The following CHST8 variants were observed in gnomAD, a reference collection of about 807,000 sequenced individuals.
CHST8 encodes carbohydrate sulfotransferase 8, also known as GALNAC-4-ST1.
In CHST8, 10 loss-of-function variants were observed where a neutral mutation model predicts 15.0. That is an observed-to-expected ratio of 0.67 (90% CI 0.41 to 1.13). The LOEUF (loss-of-function observed/expected upper bound fraction) is 1.13, where lower values mean the gene tolerates loss of function less well. Ranked by LOEUF, CHST8 falls within the 50% of genes most tolerant of loss-of-function variation. The pLI is 0.00. For missense variants in CHST8, 634 were observed against 608.2 expected (o/e 1.04, Z -0.45); for synonymous variants, 259 against 256.6 (o/e 1.01, Z -0.09).
chr19:33,628,097 G>T (rs773035400), intron 1 of CHST8, among the ~76,000 whole-genome samples: 5 of 152,150 alleles, frequency 3.3e-5, no homozygotes, highest in Non-Finnish European at 5.9e-5. Context: ...CTTCAGCTGC[G>T]GTCTGAAGGA....
At chr19:33,661,281 A>T (rs1972581633) in intron 1 of CHST8, among the ~76,000 whole-genome samples, 1 of 152,226 alleles carries the variant, frequency 6.6e-6, no homozygotes, top group South Asian at 2.1e-4. Context: ...GTTTGTGTGC[A>T]TTGAGATTGG....
At chr19:33,662,186 T>C (rs987511857) in intron 1 of CHST8, among the ~76,000 whole-genome samples, 1 of 152,066 alleles carries the variant, frequency 6.6e-6, no homozygotes, top group African/African-American at 2.4e-5. Context: ...GCTCAAGCAG[T>C]TCTCTCGCAT....
chr19:33,764,785 C>T (rs1352338080), intron 3 of CHST8, among the ~76,000 whole-genome samples: 4 of 152,024 alleles, frequency 2.6e-5, no homozygotes, highest in Non-Finnish European at 4.4e-5. Context: ...TTTTGATGTA[C>T]CCATAACTGG....
chr19:33,655,264 T>G (rs943387292), intron 1 of CHST8, among the ~76,000 whole-genome samples: 1 of 152,170 alleles, frequency 6.6e-6, no homozygotes, highest in Non-Finnish European at 1.5e-5. Context: ...CTCGAACTCC[T>G]AATCTCAAGA....
At chr19:33,688,101 C>T (rs2145254989) in intron 2 of CHST8, among the ~76,000 whole-genome samples, 1 of 152,322 alleles carries the variant, frequency 6.6e-6, no homozygotes, top group South Asian at 2.1e-4. Context: ...AGTGACTGAC[C>T]TTCAAAGCGG....
intron 3 of CHST8, among the ~76,000 whole-genome samples, chr19:33,696,380 C>T (rs1238316644): frequency 6.6e-6 from 1 of 151,922 alleles, no homozygotes; most frequent in East Asian, 1.9e-4. Flanking sequence ...GGTGCGCGAG[C>T]TATCAAAGCT....
At chr19:33,640,130 C>G (rs1972262795) in intron 1 of CHST8, among the ~76,000 whole-genome samples, 5 of 152,238 alleles carry the variant, frequency 3.3e-5, no homozygotes, top group Admixed American at 3.3e-4. Context: ...GCGTAAGCCA[C>G]TGCGCCCAGC....
intron 2 of CHST8, among the ~76,000 whole-genome samples, chr19:33,686,879 G>A (rs761773718): frequency 7.9e-5 from 12 of 152,216 alleles, no homozygotes; most frequent in Admixed American, 2.0e-4. Context: ...TATTGAACCC[G>A]CGTCTGCTTA....
At chr19:33,684,303 G>A (rs563718646) in intron 2 of CHST8, among the ~76,000 whole-genome samples, 10 of 151,048 alleles carry the variant, frequency 6.6e-5, no homozygotes, top group Non-Finnish European at 1.5e-4. Context: ...ACAGGGCAGC[G>A]GACAGCAGGT....
At chr19:33,711,546 T>A (rs1973550329) in intron 3 of CHST8, among the ~76,000 whole-genome samples, 1 of 152,232 alleles carries the variant, frequency 6.6e-6, no homozygotes, top group Admixed American at 6.5e-5. Flanking sequence ...ACTTCTGTAC[T>A]TCTGTAAGAA....
intron 3 of CHST8, among the ~76,000 whole-genome samples, chr19:33,738,538 G>T (rs1232750422): frequency 6.6e-6 from 1 of 152,184 alleles, no homozygotes; most frequent in Non-Finnish European, 1.5e-5. Flanking sequence ...CTATTATTCT[G>T]CTGTAAATAT....
At chr19:33,750,497 C>G (rs1160238645) in intron 3 of CHST8, among the ~76,000 whole-genome samples, 1 of 152,142 alleles carries the variant, frequency 6.6e-6, no homozygotes, top group Non-Finnish European at 1.5e-5. Flanking sequence ...GCATCCCACA[C>G]CCCGCCCCTG....
At chr19:33,643,081 G>GC (rs767951129) in intron 1 of CHST8, among the ~76,000 whole-genome samples, 20 of 152,104 alleles carry the variant, frequency 1.3e-4, no homozygotes, top group Non-Finnish European at 2.2e-4. Context: ...ATACCTTTGT[G>GC]CCATCCCAGC....
intron 2 of CHST8, among the ~76,000 whole-genome samples, chr19:33,670,561 G>A (rs750918441): frequency 1.3e-5 from 2 of 152,172 alleles, no homozygotes; most frequent in African/African-American, 4.8e-5. Context: ...TGCCAAGATC[G>A]GCTGCTCATT....
intron 3 of CHST8, among the ~76,000 whole-genome samples, chr19:33,691,810 G>C (rs575142846): frequency 2.0e-5 from 3 of 152,348 alleles, no homozygotes; most frequent in African/African-American, 7.2e-5. Flanking sequence ...ATCCTGATCA[G>C]GCAAACAGGC....
chr19:33,724,874 TG>T (rs1568343901), intron 3 of CHST8, among the ~76,000 whole-genome samples: 1 of 151,630 alleles, frequency 6.6e-6, no homozygotes, highest in Non-Finnish European at 1.5e-5. Flanking sequence ...TGGCCCAGAG[TG>T]GGGGGCCACA....
chr19:33,678,404 G>A (rs571221123), intron 2 of CHST8, among the ~76,000 whole-genome samples: 6 of 152,264 alleles, frequency 3.9e-5, no homozygotes, highest in African/African-American at 1.4e-4. Context: ...TTCACATTGG[G>A]AGAGACCAGC....
chr19:33,752,616 C>G (rs1484589436), intron 3 of CHST8, among the ~76,000 whole-genome samples: 2 of 152,182 alleles, frequency 1.3e-5, no homozygotes, highest in Non-Finnish European at 2.9e-5. Context: ...TCCCGCCGCC[C>G]CACGTTATGG....
At chr19:33,696,228 C>G (rs1271000399) in intron 3 of CHST8, among the ~76,000 whole-genome samples, 1 of 152,144 alleles carries the variant, frequency 6.6e-6, no homozygotes, top group East Asian at 1.9e-4. Flanking sequence ...GAGCATGTGT[C>G]TTTTTCATAT....
Sources: gnomAD v4.1 joint callset for allele counts (sites outside exome capture counted in the v4.1 genomes callset) on GRCh38, gnomAD v4.1.1 for gene constraint, MANE v1.5 for transcripts, NCBI Gene and HGNC (gene_info 2026-07-23, HGNC 2026-07-21) for gene names.